The following SLC9A3 variants were observed in gnomAD, a reference collection of about 807,000 sequenced individuals.
SLC9A3 encodes sodium/hydrogen exchanger 3.
A neutral mutation model predicts 86.8 loss-of-function variants in SLC9A3; 37 were observed. The observed-to-expected ratio is 0.43, with a 90% CI of 0.33 to 0.56. The LOEUF (loss-of-function observed/expected upper bound fraction) is 0.56. SLC9A3 is among the 20% of genes least tolerant of loss of function. The probability of loss-of-function intolerance (pLI) is 0.06; values close to 1 mark genes in which losing one functional copy is unlikely to be tolerated. For synonymous variants in SLC9A3, 581 were observed against 528.3 expected (o/e 1.10, Z -1.37); for missense variants, 1,011 against 1,171.9 (o/e 0.86, Z 2.00).
rs376707471 is a variant in SLC9A3 at position 476,193 on chromosome 5, C to T, written c.2067+9G>A. On this transcript the variant is annotated intron_variant, in intron 13 of 16. Transcript: ENST00000264938. Reference sequence around the variant, plus strand: ...AGCCCCGCCAAGCCTCCTGGTGACCCAGCCTTACCCGCTTCTGGGCACGCT... The same window carrying T: ...AGCCCCGCCAAGCCTCCTGGTGACCTAGCCTTACCCGCTTCTGGGCACGCT... 517 of 1,613,450 alleles carry T rather than the reference C, an allele frequency of 3.2e-4. No homozygotes were observed. Among genetic ancestry groups the T allele is most frequent in the Non-Finnish European group, 4.2e-4 (497 of 1,179,832 alleles).
In SLC9A3 at chr5:507,186, T is replaced by TTTTTTTTTTTG. The variant is rs1242074998; in HGVS notation, c.212-15116_212-15115insCAAAAAAAAAA. Among the ~76,000 whole-genome samples, 2 of 106,872 alleles carry TTTTTTTTTTTG rather than the reference T, an allele frequency of 1.9e-5. 1 individual carries two copies. Among genetic ancestry groups the TTTTTTTTTTTG allele is most frequent in the Admixed American group, 2.0e-4 (2 of 9,764 alleles). The allele number at this position is 106,872 out of a possible 152,430, so 70.1% of individuals were successfully genotyped here. On this transcript the variant is annotated intron_variant, in intron 1 of 16. Transcript: ENST00000264938. Reference sequence around the variant, plus strand: ...TGCTTCTTTTTTTTTTTTTTTTTTTTGAGACGGAGTCTGGCTCTGTTGCCC... The same window carrying TTTTTTTTTTTG: ...TGCTTCTTTTTTTTTTTTTTTTTTTTTTTTTTTTTTGGAGACGGAGTCTGGCTCTGTTGCCC...
At chr5:523,877 C>T (rs1733956794) in intron 1 of SLC9A3, among the ~76,000 whole-genome samples, 1 of 152,274 alleles carries the variant, frequency 6.6e-6, no homozygotes, top group Middle Eastern at 3.4e-3. Context: ...GCCGGGAGTC[C>T]GGGGCTCCGA....
At chr5:519,952 T>G (rs1369421605) in intron 1 of SLC9A3, among the ~76,000 whole-genome samples, 1 of 152,166 alleles carries the variant, frequency 6.6e-6, no homozygotes, top group Non-Finnish European at 1.5e-5. Flanking sequence ...GTCTCGCTCC[T>G]GCCTGCCCTT....
chr5:483,821 T>C (rs576650794), intron 5 of SLC9A3, among the ~76,000 whole-genome samples: 2 of 152,382 alleles, frequency 1.3e-5, no homozygotes, highest in South Asian at 2.1e-4. Context: ...GCCAACTCCT[T>C]ATTTTAAAAT....
At chr5:518,854 C>T (rs1270871504) in intron 1 of SLC9A3, among the ~76,000 whole-genome samples, 8 of 152,040 alleles carry the variant, frequency 5.3e-5, no homozygotes, top group African/African-American at 7.2e-5. Flanking sequence ...GGGGGGCTGG[C>T]GGCCAAGAGT....
In SLC9A3 at chr5:482,566, G is replaced by T; in HGVS notation, c.1338C>A (p.Phe446Leu). Reference sequence around the variant, plus strand: ...GCCTCACCTGGAAGATGACGGTGAAGAACACTACGATGATGGTGGTGCTGA... The same window carrying T: ...GCCTCACCTGGAAGATGACGGTGAATAACACTACGATGATGGTGGTGCTGA... ...LFVSTTIIVV[F>L]FTVIFQGLTI... is the part of the protein sequence containing the mutation. Residue 446 changes from phenylalanine to leucine, a missense_variant, in exon 7 of 17, where the codon TTC becomes TTA. Around this residue, in one of 3 missense-constraint regions of SLC9A3, gnomAD observed 565 missense variants for 790.0 expected, o/e 0.72. Transcript: ENST00000264938. The T allele has an allele frequency of 6.2e-7, 1 of 1,612,420 alleles. No individual in the cohort carries two copies. Among genetic ancestry groups the T allele is most frequent in the Non-Finnish European group, 8.5e-7 (1 of 1,179,494 alleles).
intron 1 of SLC9A3, among the ~76,000 whole-genome samples, chr5:498,921 C>G (rs1231844452): frequency 6.6e-6 from 1 of 152,186 alleles, no homozygotes; most frequent in Non-Finnish European, 1.5e-5. Flanking sequence ...GGCAGTTTCG[C>G]CCCAGCCAGG....
In SLC9A3 at chr5:475,046, T is replaced by C. The variant is rs1237982728; in HGVS notation, c.2338A>G (p.Thr780Ala). The change falls in exon 16 of 17, where the codon ACG becomes GCG. Residue 780 changes from threonine to alanine, a missense_variant. Physicochemically the swap from Thr to Ala is moderately conservative, Grantham distance 58. Coordinates refer to ENST00000264938, the MANE Select transcript of SLC9A3 (RefSeq NM_004174.4). ...CGGGCCCTCTGCGAGGGGACCACCGTCTCCCCGGGAGACAGCCAGGGCGGC... is the reference window on the plus strand; with the variant it reads ...CGGGCCCTCTGCGAGGGGACCACCGCCTCCCCGGGAGACAGCCAGGGCGGC... ...RLPPWLSPGE[T>A]VVPSQRARTQ... is the part of the protein sequence containing the mutation. The C allele has an allele frequency of 6.2e-7, 1 of 1,612,030 alleles. No homozygotes were observed. Among genetic ancestry groups the C allele is most frequent in the Non-Finnish European group, 8.5e-7 (1 of 1,179,728 alleles).
Position 474,872 on chromosome 5 carries a change from G to C in SLC9A3, c.2501+11C>G, listed in dbSNP as rs766199537. 1 of 1,586,118 alleles carries C rather than the reference G, an allele frequency of 6.3e-7. No individual in the cohort carries two copies. The highest frequency in any genetic ancestry group is 1.8e-5 in the Admixed American group (1 of 54,840). ...AGAGGGGTTAGGCGGCGGGAGGCCC[G>C]GGAGCGTTACATGTGTGTGGACTCG... On this transcript the variant is annotated intron_variant, in intron 16 of 16. Coordinates refer to ENST00000264938, the MANE Select transcript of SLC9A3 (RefSeq NM_004174.4).
At position 472,936 on chromosome 5, in the gene SLC9A3, G is replaced by A. The variant is rs751938284; in HGVS notation, c.*443C>T. On this transcript the variant is annotated 3_prime_UTR_variant, in exon 17 of 17. Coordinates refer to ENST00000264938, the MANE Select transcript of SLC9A3 (RefSeq NM_004174.4). ...GGAAAGGGCGCGAGCGGCCAGCCATGGCGCGCGGACCCTTCCCGCCGGCGG... is the reference window on the plus strand; with the variant it reads ...GGAAAGGGCGCGAGCGGCCAGCCATAGCGCGCGGACCCTTCCCGCCGGCGG... 1.3e-3 allele frequency: 730 copies of A among 543,606 alleles called. 2 individuals are homozygous for A. The highest frequency in any genetic ancestry group is 4.9e-3 in the Admixed American group (146 of 29,960). The allele number at this position is 543,606 out of a possible 1,614,324, so 33.7% of individuals were successfully genotyped here. A position where few individuals can be genotyped will look rare whatever the true frequency, so the allele number is the denominator to read the frequency against.
intron 1 of SLC9A3, among the ~76,000 whole-genome samples, chr5:508,877 C>G (rs559972680): frequency 6.6e-6 from 1 of 151,048 alleles, no homozygotes; most frequent in African/African-American, 2.4e-5. Context: ...GGGAGGCTAA[C>G]GCAGGAGAAT....
chr5:485,265 C>T (rs1264859298), intron 3 of SLC9A3, 34 bp from the exon 4 acceptor site: 1 of 1,573,508 alleles, frequency 6.4e-7, no homozygotes, highest in African/African-American at 1.3e-5. Context: ...TTGGGTGGTC[C>T]TTGGTTAGTG....
chr5:499,356 G>A (rs1416984899), intron 1 of SLC9A3, among the ~76,000 whole-genome samples: 1 of 152,248 alleles, frequency 6.6e-6, no homozygotes, highest in Non-Finnish European at 1.5e-5. Flanking sequence ...GCCAGGGACT[G>A]GCCTGGCATG....
At chr5:501,018 A>T (rs1740255326) in intron 1 of SLC9A3, among the ~76,000 whole-genome samples, 1 of 152,198 alleles carries the variant, frequency 6.6e-6, no homozygotes, top group Non-Finnish European at 1.5e-5. Flanking sequence ...GCAGGCCCTC[A>T]GGTAACTGAT....
At chr5:479,463 G>A (rs897437326) in intron 10 of SLC9A3, 10 of 241,066 alleles carry the variant, frequency 4.1e-5, no homozygotes, top group African/African-American at 7.0e-5. Flanking sequence ...CTGCCTGTGC[G>A]TGTGCACCTG....
intron 9 of SLC9A3, chr5:480,855 T>A (rs1279517727): frequency 6.6e-6 from 1 of 152,312 alleles, no homozygotes; most frequent in African/African-American, 2.4e-5. Flanking sequence ...ACATGTTTTT[T>A]ATAATAAAAC....
intron 1 of SLC9A3, among the ~76,000 whole-genome samples, chr5:506,040 A>T (rs1325323937): frequency 1.3e-5 from 2 of 152,088 alleles, no homozygotes; most frequent in South Asian, 2.1e-4. Context: ...TCAGGAGAGG[A>T]TCTCCAGTGA....
At chr5:474,752 A>G in intron 16 of SLC9A3, 131 bp downstream of exon 16, 1 of 115,594 alleles carries the variant, frequency 8.7e-6, no homozygotes. Flanking sequence ...CGCGAGGCGG[A>G]GACCTGGAGG....
At chr5:475,410 G>GCA in intron 15 of SLC9A3, 151 bp downstream of exon 15, 1 of 625,580 alleles carries the variant, frequency 1.6e-6, no homozygotes, top group East Asian at 2.7e-5. Context: ...GGTTGAGGGG[G>GCA]CACTCAGTGG....
Sources: allele counts gnomAD v4.1 joint callset (sites outside exome capture counted in the v4.1 genomes callset), GRCh38; gene constraint gnomAD v4.1.1; regional missense constraint gnomAD v4.1.1; transcripts MANE v1.5; gene names NCBI Gene and HGNC (gene_info 2026-07-23, HGNC 2026-07-21).